The following SYN2 variants were observed in gnomAD, a reference collection of about 807,000 sequenced individuals.
SYN2 encodes synapsin-2.
Under a neutral mutation model 50.9 loss-of-function variants are expected in SYN2, and 19 were observed. The observed-to-expected ratio is 0.37, with a 90% CI of 0.26 to 0.55. SYN2 has a LOEUF of 0.55. Ranked by LOEUF, SYN2 falls within the 20% of genes least tolerant of loss-of-function variation. SYN2 has a pLI of 0.81. For synonymous variants in SYN2, 255 were observed against 224.9 expected, an observed-to-expected ratio of 1.13 and a Z score of -1.20; for missense variants, 587 against 576.4, an observed-to-expected ratio of 1.02 and a Z score of -0.19.
chr3:12,133,125 T>C (rs1696828112), intron 1 of SYN2, among the ~76,000 whole-genome samples: 1 of 152,258 alleles, frequency 6.6e-6, no homozygotes, highest in Admixed American at 6.5e-5. Flanking sequence ...ACATCATTTA[T>C]ATGAATGTTA....
chr3:12,145,308 G>A (rs77811710), intron 3 of SYN2, among the ~76,000 whole-genome samples: 11,965 of 152,152 alleles, frequency 0.079, 580 homozygotes, highest in African/African-American at 0.13. Flanking sequence ...ACGCTGAGGC[G>A]AGAGGATCAC....
At chr3:12,189,018 C>T (rs1225541641) in intron 12 of SYN2, among the ~76,000 whole-genome samples, 4 of 152,198 alleles carry the variant, frequency 2.6e-5, no homozygotes, top group East Asian at 1.9e-4. Flanking sequence ...CAGAGGCCAG[C>T]GTGTTGGGTC....
intron 1 of SYN2, among the ~76,000 whole-genome samples, chr3:12,077,207 A>G (rs893597487): frequency 1.3e-5 from 2 of 152,064 alleles, no homozygotes; most frequent in African/African-American, 4.8e-5. Flanking sequence ...CAGTGACCCA[A>G]TTAAGATGGT....
At chr3:12,156,978 G>T in intron 5 of SYN2, 1 of 1,397,860 alleles carries the variant, frequency 7.2e-7, no homozygotes, top group Non-Finnish European at 1.0e-6. Flanking sequence ...GTCAGTGAGT[G>T]TACTGTATAT....
chr3:12,007,980 A>G (rs1057216290), intron 1 of SYN2, among the ~76,000 whole-genome samples: 2 of 152,220 alleles, frequency 1.3e-5, no homozygotes, highest in African/African-American at 2.4e-5. Context: ...CAAGCTCTTT[A>G]TATACCTTAT....
intron 1 of SYN2, among the ~76,000 whole-genome samples, chr3:12,119,622 A>C (rs1017460943): frequency 1.3e-4 from 19 of 151,938 alleles, no homozygotes. Context: ...TTGTGGTTTT[A>C]TTTGCAGGAA....
At chr3:12,080,979 A>G (rs894453459) in intron 1 of SYN2, among the ~76,000 whole-genome samples, 3 of 152,206 alleles carry the variant, frequency 2.0e-5, no homozygotes. Flanking sequence ...TAGTTCAGAA[A>G]AAAATATAAT....
intron 10 of SYN2, among the ~76,000 whole-genome samples, chr3:12,170,675 T>C (rs186272851): frequency 3.9e-5 from 6 of 152,360 alleles, no homozygotes; most frequent in Admixed American, 2.6e-4. Flanking sequence ...AATCAAAAGC[T>C]GAACCTTAAG....
At chr3:12,184,998 G>C (rs1278055098) in intron 11 of SYN2, 1 of 985,690 alleles carries the variant, frequency 1.0e-6, no homozygotes, top group East Asian at 1.1e-4. Context: ...TGTAACAAGA[G>C]TTACGTATCC....
rs193024911 is a variant in SYN2, at chr3:12,151,259, A to G, written c.707A>G (p.Tyr236Cys). 1.7e-4 allele frequency: 272 copies of G among 1,613,152 alleles called. No individual in the cohort carries two copies. The highest frequency in any genetic ancestry group is 2.0e-4 in the Non-Finnish European group (234 of 1,179,682). Residue 236 changes from tyrosine to cysteine, a missense_variant, in exon 5 of 13, where the codon TAT becomes TGT. Coordinates refer to ENST00000621198, the MANE Select transcript of SYN2 (RefSeq NM_133625.6). The stretch of plus-strand genomic sequence containing the variant: ...CAGTTTGCCCAGCTGGTCGCTATCT[A>G]TAAGACACTGGGAGGAGAAAAGTTC... ...PWVFAQLVAIYKTLGGEKFPL... is the reference protein window; with the variant it reads ...PWVFAQLVAICKTLGGEKFPL...
chr3:12,102,546 C>A (rs1162997056), intron 1 of SYN2, among the ~76,000 whole-genome samples: 1 of 152,026 alleles, frequency 6.6e-6, no homozygotes, highest in Non-Finnish European at 1.5e-5. Flanking sequence ...CTTTTGATTG[C>A]CCCCAACTAA....
intron 1 of SYN2, chr3:12,071,686 G>A (rs1695357679): frequency 3.2e-6 from 1 of 312,974 alleles, no homozygotes. Context: ...GTGGCTTGGT[G>A]AGTCTGTGTG....
rs1021381861 is a variant in SYN2, at chr3:12,025,701, C to G, written c.377+20773C>G. Among the ~76,000 whole-genome samples, 11 of 151,944 alleles carry G rather than the reference C, an allele frequency of 7.2e-5. 1 individual carries two copies. In the South Asian group the frequency reaches 2.3e-3, roughly 32 times the overall value. ...GGCTTTTCCTGATGACCCTGAAAGT[C>G]CGTCATATAAGTGGTCCCCTTCTGA... On this transcript the variant is annotated intron_variant, in intron 1 of 12. Transcript: ENST00000621198.
intron 10 of SYN2, among the ~76,000 whole-genome samples, chr3:12,180,627 C>T (rs1391350225): frequency 1.3e-5 from 2 of 152,180 alleles, no homozygotes; most frequent in Admixed American, 6.5e-5. Flanking sequence ...CCCCGCCTCC[C>T]GTAGCCCCTG....
At chr3:12,117,169 T>C (rs1050181084) in intron 1 of SYN2, among the ~76,000 whole-genome samples, 8 of 152,200 alleles carry the variant, frequency 5.3e-5, no homozygotes. Context: ...TGCAGTTGGT[T>C]ACAACCCCAT....
chr3:12,158,119 C>T lies in SYN2; in HGVS notation c.775-3427C>T, dbSNP rs113215452. Among the ~76,000 whole-genome samples, 827 of 152,190 alleles carry T rather than the reference C, an allele frequency of 5.4e-3. 3 individuals are homozygous for T. Among genetic ancestry groups the T allele is most frequent in the African/African-American group, 0.018 (747 of 41,526 alleles). ...GAACAACAGCACAGCATAGTAGGAG[C>T]GCTAAGACGGTTAGAGATGCTGAGG... On this transcript the variant is annotated intron_variant, in intron 5 of 12. Transcript: ENST00000621198.
intron 1 of SYN2, among the ~76,000 whole-genome samples, chr3:12,089,782 CAGAG>C (rs1271984475): frequency 6.6e-6 from 1 of 151,952 alleles, no homozygotes; most frequent in Non-Finnish European, 1.5e-5. Flanking sequence ...ATTGGGGAGT[CAGAG>C]AGAGTACAGA....
chr3:12,106,448 T>C (rs1696192105), intron 1 of SYN2, among the ~76,000 whole-genome samples: 1 of 152,222 alleles, frequency 6.6e-6, no homozygotes, highest in Non-Finnish European at 1.5e-5. Flanking sequence ...TGGGACCATT[T>C]TGAAACTCTG....
intron 1 of SYN2, among the ~76,000 whole-genome samples, chr3:12,118,768 G>C (rs1022739734): frequency 6.6e-6 from 1 of 152,046 alleles, no homozygotes; most frequent in African/African-American, 2.4e-5. Context: ...AGTACTATCT[G>C]ATAAAAATAT....
Sources: gnomAD v4.1 joint callset for allele counts (sites outside exome capture counted in the v4.1 genomes callset) on GRCh38, gnomAD v4.1.1 for gene constraint, MANE v1.5 for transcripts, NCBI Gene and HGNC (gene_info 2026-07-23, HGNC 2026-07-21) for gene names.